Variants in ZNF253 observed in about 807,000 individuals in gnomAD.
The protein encoded by ZNF253 is zinc finger protein 253.
A neutral mutation model predicts 11.9 loss-of-function variants in ZNF253; 8 were observed. That is an observed-to-expected ratio of 0.67 (90% CI 0.40 to 1.22). The LOEUF (loss-of-function observed/expected upper bound fraction) is 1.22. Ranked by LOEUF, ZNF253 falls within the 50% of genes most tolerant of loss-of-function variation. ZNF253 has a pLI of 0.01. For synonymous variants in ZNF253, 194 were observed against 194.9 expected, an observed-to-expected ratio of 1.00 and a Z score of 0.04; for missense variants, 485 against 586.9, an observed-to-expected ratio of 0.83 and a Z score of 1.79.
Position 19,891,726 on chromosome 19 carries a change from A to G in ZNF253, c.479A>G (p.Asn160Ser). The stretch of plus-strand genomic sequence containing the variant: ...GTCTTTCATAAGTTTTCAAATTCAA[A>G]CACATATAAGACAAGACATACTGGA... ...GKVFHKFSNS[N>S]TYKTRHTGIN... Residue 160 changes from asparagine to serine, a missense_variant, in exon 4 of 4, where the codon AAC becomes AGC. Asn to Ser is a conservative substitution (Grantham distance 46). Coordinates refer to ENST00000589717, the MANE Select transcript of ZNF253 (RefSeq NM_021047.3). 1 of 1,614,096 alleles carries G rather than the reference A, an allele frequency of 6.2e-7. No individual in the cohort carries two copies. The highest frequency in any genetic ancestry group is 8.5e-7 in the Non-Finnish European group (1 of 1,179,964).
chr19:19,891,623 A>G lies in ZNF253; in HGVS notation c.376A>G (p.Lys126Glu). 6.2e-7 allele frequency: 1 copy of G among 1,614,184 alleles called. No homozygotes were observed. Among genetic ancestry groups the G allele is most frequent in the East Asian group, 2.2e-5 (1 of 44,870 alleles). Residue 126 changes from lysine (K) to glutamate (E), a missense_variant, in exon 4 of 4, where the codon AAA becomes GAA. Around this residue, in one of 3 missense-constraint regions of ZNF253, gnomAD observed 218 missense variants for 213.1 expected, o/e 1.02. Transcript: ENST00000589717. ...AAGCGTGGGTGAGCATAAGGTGCAC[A>G]AAGGAGGTTATAATGGACTTAACCA... The part of the protein sequence containing the change: ...CKSVGEHKVH[K>E]GGYNGLNQCL...
At chr19:19,870,339 C>T (rs1394849849) in intron 1 of ZNF253, among the ~76,000 whole-genome samples, 2 of 149,396 alleles carry the variant, frequency 1.3e-5, no homozygotes, top group African/African-American at 2.5e-5. Flanking sequence ...TTGCAGTGAG[C>T]TGAGATTGCA....
intron 3 of ZNF253, among the ~76,000 whole-genome samples, chr19:19,885,219 C>T (rs10426937): frequency 0.17 from 8,830 of 50,764 alleles, 876 homozygotes; most frequent in African/African-American, 0.33. Context: ...TTTTTGTATT[C>T]TTTCTTTCTT....
At position 19,893,036 on chromosome 19, in the gene ZNF253, G is replaced by A. The variant is rs2063240586; in HGVS notation, c.*289G>A. ...CTTGTCACCGAGGCTGGAGTGCAAT[G>A]ACATGATCTCCGTTCACTGCAATCT... On this transcript the variant is annotated 3_prime_UTR_variant, in exon 4 of 4. Coordinates refer to ENST00000589717, the MANE Select transcript of ZNF253 (RefSeq NM_021047.3). 1.2e-5 allele frequency: 4 copies of A among 333,110 alleles called. No homozygotes were observed. The highest frequency in any genetic ancestry group is 2.2e-5 in the Non-Finnish European group (4 of 184,662). 20.6% of individuals were successfully genotyped at this position (333,110 alleles called of 1,614,324 possible). A position where few individuals can be genotyped will look rare whatever the true frequency, so the allele number is the denominator to read the frequency against.
chr19:19,883,871 C>G (rs1017736395), intron 3 of ZNF253, among the ~76,000 whole-genome samples: 1 of 147,090 alleles, frequency 6.8e-6, no homozygotes, highest in Non-Finnish European at 1.5e-5. Context: ...GCCTGACCAA[C>G]ATGGAAAAAC....
Position 19,865,905 on chromosome 19 carries a change from C to T in ZNF253, c.-92C>T. 3 of 1,503,038 alleles carry T rather than the reference C, an allele frequency of 2.0e-6. No homozygotes were observed. Among genetic ancestry groups the T allele is most frequent in the Non-Finnish European group, 2.8e-6 (3 of 1,078,786 alleles). 93.1% of individuals were successfully genotyped at this position (1,503,038 alleles called of 1,614,324 possible). ...AGGTTTATCCTCAGTGTTCTGTGTC[C>T]TGTGCTTATAGAGGCCCGTCCTCTG... On this transcript the variant is annotated 5_prime_UTR_variant, in exon 1 of 4. Transcript: ENST00000589717.
At chr19:19,877,733 A>G (rs2063161368) in intron 1 of ZNF253, among the ~76,000 whole-genome samples, 1 of 152,150 alleles carries the variant, frequency 6.6e-6, no homozygotes, top group South Asian at 2.1e-4. Flanking sequence ...AGTGCAGTTA[A>G]GGGTTAATGA....
Position 19,891,920 on chromosome 19 carries a change from G to A in ZNF253, c.673G>A (p.Glu225Lys). The A allele has an allele frequency of 1.9e-6, 3 of 1,613,718 alleles. No homozygotes were observed. Among genetic ancestry groups the A allele is most frequent in the Admixed American group, 1.7e-5 (1 of 59,994 alleles). ...TACACATAAGAGAATTCATACCGGA[G>A]AGAAACCCTACAGATGTGAAGAATG... ...LTTHKRIHTGEKPYRCEECGK... is the reference protein window; with the variant it reads ...LTTHKRIHTGKKPYRCEECGK... The change falls in exon 4 of 4, where the codon GAG (glutamate) becomes AAG (lysine). Residue 225 changes from glutamate to lysine, a missense_variant. Around this residue, in one of 3 missense-constraint regions of ZNF253, gnomAD observed 218 missense variants for 213.1 expected, o/e 1.02. Transcript: ENST00000589717.
At chr19:19,878,456 T>A (rs1188296905) in intron 1 of ZNF253, 25 bp from the exon 2 acceptor site, 3 of 1,609,576 alleles carry the variant, frequency 1.9e-6, no homozygotes, top group Non-Finnish European at 2.5e-6. Flanking sequence ...CATTTAGTAA[T>A]TATGTGTGTG....
intron 3 of ZNF253, among the ~76,000 whole-genome samples, chr19:19,881,640 C>G (rs1282429091): frequency 1.6e-5 from 2 of 127,718 alleles, no homozygotes; most frequent in Admixed American, 8.1e-5. Flanking sequence ...AAGAGCTAGA[C>G]TCCTACTCAA....
chr19:19,877,813 A>G (rs1022749087), intron 1 of ZNF253, among the ~76,000 whole-genome samples: 2 of 152,190 alleles, frequency 1.3e-5, no homozygotes, highest in African/African-American at 4.8e-5. Context: ...CTCTTCATTA[A>G]GTATTTTTAT....
intron 1 of ZNF253, among the ~76,000 whole-genome samples, 191 bp downstream of exon 1, chr19:19,866,190 T>C (rs2063110164): frequency 6.6e-6 from 1 of 151,582 alleles, no homozygotes; most frequent in Non-Finnish European, 1.5e-5. Flanking sequence ...CCCGGCACAG[T>C]GATTGTGCCC....
chr19:19,874,702 G>C (rs2063147495), intron 1 of ZNF253, among the ~76,000 whole-genome samples: 1 of 152,090 alleles, frequency 6.6e-6, no homozygotes, highest in African/African-American at 2.4e-5. Flanking sequence ...ACGAGGTCAG[G>C]AGATCGAGAC....
chr19:19,870,885 C>T lies in ZNF253; in HGVS notation c.3+4886C>T, dbSNP rs1025845994. 4 of 152,120 alleles carry T rather than the reference C, an allele frequency of 2.6e-5. No homozygotes were observed. In the South Asian group the frequency reaches 8.3e-4, roughly 31 times the overall value. 9.4% of individuals were successfully genotyped at this position (152,120 alleles called of 1,614,324 possible). On this transcript the variant is annotated intron_variant, in intron 1 of 3. Transcript: ENST00000589717. ...CTCATGTTTCTCATGATGAGAGCAG[C>T]TGTGTACTTTGGGTGGTTAGAGAGA...
Position 19,875,840 on chromosome 19 carries a change from C to T in ZNF253, c.4-2641C>T, listed in dbSNP as rs538774029. Reference sequence around the variant, plus strand: ...TCTAAATCCTGGAAATTATTAAACCCTTAGTACCAGCTTCCAGGGTATTAT... The same window carrying T: ...TCTAAATCCTGGAAATTATTAAACCTTTAGTACCAGCTTCCAGGGTATTAT... On this transcript the variant is annotated intron_variant, in intron 1 of 3. Transcript: ENST00000589717. 3.9e-5 allele frequency among the ~76,000 whole-genome samples: 6 copies of T among 152,210 alleles called. No homozygotes were observed. In the South Asian group the frequency reaches 1.2e-3, roughly 32 times the overall value.
intron 3 of ZNF253, among the ~76,000 whole-genome samples, chr19:19,889,937 G>T (rs1224404157): frequency 6.6e-6 from 1 of 152,132 alleles, no homozygotes; most frequent in Non-Finnish European, 1.5e-5. Context: ...TCCAAGCTTG[G>T]CCTGTTCAAT....
intron 1 of ZNF253, among the ~76,000 whole-genome samples, chr19:19,868,318 C>A (rs919679901): frequency 1.3e-5 from 2 of 151,990 alleles, no homozygotes; most frequent in Non-Finnish European, 2.9e-5. Context: ...AGGTTTCTTA[C>A]AATTTTAAGT....
At chr19:19,866,293 T>C (rs553331579) in intron 1 of ZNF253, among the ~76,000 whole-genome samples, 11 of 152,176 alleles carry the variant, frequency 7.2e-5, no homozygotes, top group African/African-American at 2.6e-4. Context: ...CAGGGGAGAA[T>C]CCTGACTCGG....
chr19:19,885,801 T>G (rs145398234), intron 3 of ZNF253, among the ~76,000 whole-genome samples: 1 of 152,344 alleles, frequency 6.6e-6, no homozygotes, highest in African/African-American at 2.4e-5. Context: ...TTATCAGTGT[T>G]GATACTGTAG....
Sources: allele counts gnomAD v4.1 joint callset (sites outside exome capture counted in the v4.1 genomes callset), GRCh38; gene constraint gnomAD v4.1.1; regional missense constraint gnomAD v4.1.1; transcripts MANE v1.5; gene names NCBI Gene and HGNC (gene_info 2026-07-23, HGNC 2026-07-21).